CYTH3: variants seen among roughly 807,000 people sequenced by gnomAD.
The protein encoded by CYTH3 is cytohesin 3.
In CYTH3, 23 loss-of-function variants were observed where a neutral mutation model predicts 55.1. That is an observed-to-expected ratio of 0.42 (90% CI 0.30 to 0.59). CYTH3 has a LOEUF of 0.59. Among genes scored for constraint, CYTH3 ranks in the 20% least tolerant of loss-of-function variants. The pLI, the probability that CYTH3 is intolerant of heterozygous loss-of-function variation, is 0.20. For missense variants in CYTH3, 413 were observed against 524.8 expected (o/e 0.79, Z 2.08); for synonymous variants, 249 against 194.9 (o/e 1.28, Z -2.31).
At chr7:6,168,893 G>A (rs1783089141) in intron 9 of CYTH3, among the ~76,000 whole-genome samples, 1 of 152,220 alleles carries the variant, frequency 6.6e-6, no homozygotes, top group Admixed American at 6.5e-5. Context: ...AACCAGAAGG[G>A]AGGCATCTAA....
chr7:6,257,979 C>T (rs1301574405), intron 1 of CYTH3, among the ~76,000 whole-genome samples: 1 of 152,084 alleles, frequency 6.6e-6, no homozygotes, highest in Non-Finnish European at 1.5e-5. Context: ...AAGCTGGCTA[C>T]TCATCCAGGT....
At chr7:6,179,610 C>CCA (rs1252911602) in intron 4 of CYTH3, among the ~76,000 whole-genome samples, 3 of 121,664 alleles carry the variant, frequency 2.5e-5, no homozygotes, top group Non-Finnish European at 5.0e-5. Flanking sequence ...ACACCACACA[C>CCA]CACACACACA....
Position 6,170,445 on chromosome 7 carries a change from G to T in CYTH3, c.823+90C>A. On this transcript the variant is annotated intron_variant, in intron 9 of 12. Coordinates refer to ENST00000350796, the MANE Select transcript of CYTH3 (RefSeq NM_004227.4). The surrounding 1 kb of genome is among the most constrained non-coding windows in gnomAD (Gnocchi z 7.8). ...TTAACGTCTCTGCCTGCGGTGGGGG[G>T]CATTCCTACGATGAGCCTGGGAGGA... 6.0e-6 allele frequency: 7 copies of T among 1,174,660 alleles called. No individual in the cohort carries two copies. Among genetic ancestry groups the T allele is most frequent in the Non-Finnish European group, 8.5e-6 (7 of 821,328 alleles). The allele number at this position is 1,174,660 out of a possible 1,614,324, so 72.8% of individuals were successfully genotyped here.
chr7:6,272,597 C>A lies in CYTH3; in HGVS notation c.-90G>T. 9.8e-7 allele frequency: 1 copy of A among 1,020,116 alleles called. No homozygotes were observed. The highest frequency in any genetic ancestry group is 1.7e-5 in the African/African-American group (1 of 57,838). The allele number at this position is 1,020,116 out of a possible 1,614,324, so 63.2% of individuals were successfully genotyped here. On this transcript the variant is annotated 5_prime_UTR_variant, in exon 1 of 13. Transcript: ENST00000350796. ...GCCGCCGGAGGGAGCGCGCAGGCGA[C>A]CGGGCGGCTCCTCAGCGCGCGGCCC...
chr7:6,189,491 T>C (rs1191462994), intron 2 of CYTH3, among the ~76,000 whole-genome samples: 1 of 151,856 alleles, frequency 6.6e-6, no homozygotes, highest in Non-Finnish European at 1.5e-5. Context: ...GCATTTTTTG[T>C]AGAGATGGGG....
chr7:6,269,839 A>C (rs2115073223), intron 1 of CYTH3, among the ~76,000 whole-genome samples: 1 of 152,318 alleles, frequency 6.6e-6, no homozygotes, highest in Admixed American at 6.5e-5. Flanking sequence ...AGTAGGAATC[A>C]ATTTTTCAAG....
chr7:6,240,457 T>A (rs752195789), intron 1 of CYTH3, among the ~76,000 whole-genome samples: 15 of 152,220 alleles, frequency 9.9e-5, no homozygotes, highest in Non-Finnish European at 2.1e-4. Flanking sequence ...CCCTAACTGA[T>A]ACTAAAATAC....
At chr7:6,184,033 C>G in intron 4 of CYTH3, among the ~76,000 whole-genome samples, 1 of 140,712 alleles carries the variant, frequency 7.1e-6, no homozygotes, top group Non-Finnish European at 1.5e-5. Context: ...CCATTGTTTA[C>G]GCACCCCCTC....
At chr7:6,262,998 CCT>C (rs904727004) in intron 1 of CYTH3, among the ~76,000 whole-genome samples, 6 of 151,980 alleles carry the variant, frequency 3.9e-5, no homozygotes, top group African/African-American at 1.2e-4. Flanking sequence ...AGTTTTTTCC[CCT>C]GTTCATTAAG....
intron 4 of CYTH3, among the ~76,000 whole-genome samples, chr7:6,185,746 G>C (rs1442076261): frequency 6.6e-6 from 1 of 151,604 alleles, no homozygotes; most frequent in Non-Finnish European, 1.5e-5. Flanking sequence ...CATACCTGCA[G>C]TCCCAGACCT....
Position 6,237,278 on chromosome 7 carries a change from C to T in CYTH3, c.34+35196G>A, listed in dbSNP as rs375498787. 2.3e-4 allele frequency among the ~76,000 whole-genome samples: 35 copies of T among 152,304 alleles called. No individual in the cohort carries two copies. The East Asian group carries it at 6.6e-3, about 29-fold the overall frequency. On this transcript the variant is annotated intron_variant, in intron 1 of 12. Transcript: ENST00000350796. Reference sequence around the variant, plus strand: ...GCAGGGAACACAGTTGCCTGGGGAACAGTCTGAGCTATGTTAGTTTTCAGA... The same window carrying T: ...GCAGGGAACACAGTTGCCTGGGGAATAGTCTGAGCTATGTTAGTTTTCAGA...
At chr7:6,223,889 A>C (rs1478187846) in intron 1 of CYTH3, among the ~76,000 whole-genome samples, 3 of 150,896 alleles carry the variant, frequency 2.0e-5, no homozygotes, top group Non-Finnish European at 4.4e-5. Flanking sequence ...ATTTATGCCC[A>C]GATTAATTCT....
intron 1 of CYTH3, among the ~76,000 whole-genome samples, chr7:6,268,044 T>C (rs944999525): frequency 1.3e-5 from 2 of 152,198 alleles, no homozygotes; most frequent in Non-Finnish European, 2.9e-5. Context: ...CCCAATCAGG[T>C]AACCATTGTT....
In CYTH3 at chr7:6,167,938, G is replaced by T. The variant is rs1783059398; in HGVS notation, c.824-2128C>A. Among the ~76,000 whole-genome samples the T allele has an allele frequency of 6.6e-6, 1 of 152,320 alleles. No individual in the cohort carries two copies. Among genetic ancestry groups the T allele is most frequent in the Non-Finnish European group, 1.5e-5 (1 of 68,024 alleles). On this transcript the variant is annotated intron_variant, in intron 9 of 12. Coordinates refer to ENST00000350796, the MANE Select transcript of CYTH3 (RefSeq NM_004227.4). The surrounding 1 kb of genome is among the most constrained non-coding windows in gnomAD (Gnocchi z 5.5). ...GAGCCCCATCCCTGTCCAGTCCTCAGGGCCAGGGGGTCGTTGCAGACCAGG... is the reference window on the plus strand; with the variant it reads ...GAGCCCCATCCCTGTCCAGTCCTCATGGCCAGGGGGTCGTTGCAGACCAGG...
intron 1 of CYTH3, among the ~76,000 whole-genome samples, chr7:6,269,467 C>T (rs923122102): frequency 3.3e-5 from 5 of 152,060 alleles, no homozygotes; most frequent in Non-Finnish European, 7.4e-5. Context: ...GAGAAGAATG[C>T]CAATTATAGT....
chr7:6,193,524 C>A (rs188414780), intron 1 of CYTH3, among the ~76,000 whole-genome samples: 2 of 152,276 alleles, frequency 1.3e-5, no homozygotes, highest in Non-Finnish European at 2.9e-5. Flanking sequence ...CTGGACTAGC[C>A]ACAGCTGATT....
In CYTH3 at chr7:6,187,077, T is replaced by C. The variant is rs781740165; in HGVS notation, c.222A>G (p.Arg74=). 3 of 1,614,194 alleles carry C rather than the reference T, an allele frequency of 1.9e-6. No homozygotes were observed. In the South Asian group the frequency reaches 3.3e-5, roughly 18 times the overall value. The change falls in exon 4 of 13, where the codon AGA becomes AGG. Residue 74 remains arginine (R), a synonymous_variant. Transcript: ENST00000350796. The stretch of plus-strand genomic sequence containing the variant: ...TTTTGGGATCCATGTTGAATTTCTT[T>C]CTTCCCATGGCTATCTGTTTGTTCC... ...TQRNKQIAMG[R]KKFNMDPKKG...
chr7:6,171,206 G>T lies in CYTH3; in HGVS notation c.558C>A (p.Ser186=), dbSNP rs777199427. The T allele has an allele frequency of 1.5e-4, 245 of 1,614,036 alleles. No individual in the cohort carries two copies. Among genetic ancestry groups the T allele is most frequent in the Non-Finnish European group, 2.0e-4 (234 of 1,180,000 alleles). The change falls in exon 7 of 13, where the codon TCC becomes TCA. Residue 186 remains serine, a synonymous_variant. Transcript: ENST00000350796. The surrounding 1 kb of genome is among the most constrained non-coding windows in gnomAD (Gnocchi z 6.7). Reference sequence around the variant, plus strand: ...GGCTGTGGGCTCTGCACTGACCTGTGGACTGGAAGACCCCGGGGTTGCACA... The same window carrying T: ...GGCTGTGGGCTCTGCACTGACCTGTTGACTGGAAGACCCCGGGGTTGCACA... ...YCLCNPGVFQ[S]TDTCYVLSFA...
At chr7:6,186,741 G>A (rs1309817808) in intron 4 of CYTH3, among the ~76,000 whole-genome samples, 2 of 152,166 alleles carry the variant, frequency 1.3e-5, no homozygotes, top group African/African-American at 4.8e-5. Context: ...AGCCTCGACA[G>A]CAAGGGCACT....
Sources: gnomAD v4.1 joint callset for allele counts (sites outside exome capture counted in the v4.1 genomes callset) on GRCh38, gnomAD v4.1.1 for gene constraint, Gnocchi (gnomAD v3.1) non-coding constraint, MANE v1.5 for transcripts, NCBI Gene and HGNC (gene_info 2026-07-23, HGNC 2026-07-21) for gene names.